Variants in ANKRD36 observed in about 807,000 individuals in gnomAD.
The protein encoded by ANKRD36 is ankyrin repeat domain-containing protein 36A.
Under a neutral mutation model 278.1 loss-of-function variants are expected in ANKRD36, and 179 were observed. That is an observed-to-expected ratio of 0.64 (90% CI 0.57 to 0.73). The LOEUF is 0.73. Among genes scored for constraint, ANKRD36 ranks in the 30% least tolerant of loss-of-function variants. ANKRD36 has a pLI of 0.00. For missense variants in ANKRD36, 1,159 were observed against 1,956.7 expected (o/e 0.59, Z 7.69); for synonymous variants, 320 against 641.1 (o/e 0.50, Z 7.57).
At position 97,222,691 on chromosome 2, in the gene ANKRD36, A is replaced by G. The variant is rs372399288; in HGVS notation, c.3878-2115A>G. ...TGTTTCTAGCCAGAGGGAAAGGAAC[A>G]CAAATTTAGGAAATAGAAATTATAC... is the stretch of plus-strand genomic sequence containing the variant. On this transcript the variant is annotated intron_variant, in intron 66 of 75. Transcript: ENST00000420699. Among the ~76,000 whole-genome samples the G allele has an allele frequency of 5.7e-4, 87 of 152,238 alleles. 4 individuals carry two copies. In the East Asian group the frequency reaches 0.012, roughly 22 times the overall value.
chr2:97,124,055 ATAT>A (rs1330864960), intron 4 of ANKRD36, among the ~76,000 whole-genome samples: 4 of 150,764 alleles, frequency 2.7e-5, no homozygotes, highest in Non-Finnish European at 5.9e-5. Flanking sequence ...ATTCCTATTA[ATAT>A]TATTGTTTTA....
At chr2:97,124,947 T>C (rs542426197) in intron 5 of ANKRD36, among the ~76,000 whole-genome samples, 35 of 151,980 alleles carry the variant, frequency 2.3e-4, no homozygotes, top group African/African-American at 8.4e-4. Context: ...TAATTAGTTA[T>C]TTGGGTCTCA....
At chr2:97,229,031 T>C (rs1453969061) in intron 67 of ANKRD36, among the ~76,000 whole-genome samples, 4 of 152,082 alleles carry the variant, frequency 2.6e-5, no homozygotes, top group African/African-American at 9.7e-5. Flanking sequence ...TTCTTTTACA[T>C]TTGCTGAGGA....
chr2:97,203,511 C>G (rs960333848), intron 48 of ANKRD36, among the ~76,000 whole-genome samples: 4 of 151,848 alleles, frequency 2.6e-5, no homozygotes, highest in African/African-American at 4.8e-5. Context: ...TGAATATTAT[C>G]TACTAGGTAT....
chr2:97,121,610 CACTCCAGCCTGGGCGACAGAGCGAG>C (rs2036859949), intron 3 of ANKRD36, among the ~76,000 whole-genome samples: 1 of 152,072 alleles, frequency 6.6e-6, no homozygotes, highest in Non-Finnish European at 1.5e-5. Context: ...GGCACCACTG[CACTCCAGCCTGGGCGACAGAGCGAG>C]ACTCCATCCC....
At position 97,113,449 on chromosome 2, in the gene ANKRD36, G is replaced by T. The variant is rs1468080520; in HGVS notation, c.-291G>T. 2.1e-6 allele frequency: 1 copy of T among 471,160 alleles called. No individual in the cohort carries two copies. Among genetic ancestry groups the T allele is most frequent in the African/African-American group, 2.0e-5 (1 of 49,442 alleles). 29.2% of individuals were successfully genotyped at this position (471,160 alleles called of 1,614,324 possible). ...GGCAGGGCGCGCCTCGCGCTCCAGG[G>T]AGCCCCGCCCTCCCGCGGCACCTCC... On this transcript the variant is annotated 5_prime_UTR_variant, in exon 1 of 76. Coordinates refer to ENST00000420699, the MANE Select transcript of ANKRD36 (RefSeq NM_001354587.1).
At chr2:97,131,632 A>G (rs1328631123) in intron 6 of ANKRD36, among the ~76,000 whole-genome samples, 4 of 152,002 alleles carry the variant, frequency 2.6e-5, no homozygotes, top group South Asian at 2.1e-4. Context: ...GACCTGTTCT[A>G]TGAAGAACTG....
intron 36 of ANKRD36, among the ~76,000 whole-genome samples, chr2:97,191,848 C>T (rs1288398778): frequency 2.0e-5 from 3 of 151,614 alleles, no homozygotes; most frequent in Non-Finnish European, 4.4e-5. Context: ...TGTTTGTTAG[C>T]ATTAGGCATC....
In ANKRD36 at chr2:97,145,364, T is replaced by TC. The variant is rs1392026111; in HGVS notation, c.1003+656dup. ...TTGTGATGAACCACAGTCACCTGTTTCCCCTCTTTGTTATTATTGGGCATC... is the reference window on the plus strand; with the variant it reads ...TTGTGATGAACCACAGTCACCTGTTTCCCCCTCTTTGTTATTATTGGGCATC... On this transcript the variant is annotated intron_variant, in intron 10 of 75. Coordinates refer to ENST00000420699, the MANE Select transcript of ANKRD36 (RefSeq NM_001354587.1). Among the ~76,000 whole-genome samples, 2 of 151,980 alleles carry TC rather than the reference T, an allele frequency of 1.3e-5. 1 individual carries two copies. The highest frequency in any genetic ancestry group is 1.3e-4 in the Admixed American group (2 of 15,180).
In ANKRD36 at chr2:97,194,844, G is replaced by A. The variant is rs200852589; in HGVS notation, c.2479-1G>A. On this transcript the variant is annotated splice_acceptor_variant, in intron 39 of 75. Coordinates refer to ENST00000420699, the MANE Select transcript of ANKRD36 (RefSeq NM_001354587.1). LOFTEE classifies it high-confidence loss of function. ...ATTATTTTGTTTCAAATTCCACTCA[G>A]GCTACAAGTGATGAGAAGGATTCTT... 946 of 1,591,500 alleles carry A rather than the reference G, an allele frequency of 5.9e-4. No homozygotes were observed. Among genetic ancestry groups the A allele is most frequent in the Middle Eastern group, 2.0e-3 (9 of 4,398 alleles).
Position 97,195,268 on chromosome 2 carries a change from G to A in ANKRD36, c.2551+351G>A, listed in dbSNP as rs371166720. On this transcript the variant is annotated intron_variant, in intron 40 of 75. Transcript: ENST00000420699. ...GTACAGATTTTACAGACGTCACATC[G>A]TAGTGCTAAAAACAGACAGAAAACT... Among the ~76,000 whole-genome samples the A allele has an allele frequency of 3.4e-4, 52 of 152,028 alleles. No homozygotes were observed. The East Asian group carries it at 6.3e-3, about 18-fold the overall frequency.
chr2:97,188,955 A>G (rs1221603370), intron 32 of ANKRD36, 132 bp from the exon 33 acceptor site: 1 of 475,448 alleles, frequency 2.1e-6, no homozygotes, highest in South Asian at 1.7e-5. Context: ...GTCCCAAGAG[A>G]CAAAGTAGAA....
At chr2:97,118,620 C>T in intron 3 of ANKRD36, 103 bp downstream of exon 3, 1 of 940,278 alleles carries the variant, frequency 1.1e-6, no homozygotes, top group Non-Finnish European at 1.5e-6. Flanking sequence ...TCAAACATTC[C>T]TTGAATGAAA....
chr2:97,150,872 G>GT (rs1169363976), intron 12 of ANKRD36, among the ~76,000 whole-genome samples: 738 of 33,814 alleles, frequency 0.022, 1 homozygote, highest in African/African-American at 0.056. Flanking sequence ...GAATTTTATT[G>GT]TTTTTTTTTT....
At chr2:97,169,537 A>G (rs932313563) in intron 22 of ANKRD36, among the ~76,000 whole-genome samples, 5 of 152,282 alleles carry the variant, frequency 3.3e-5, no homozygotes, top group African/African-American at 9.6e-5. Context: ...TAGGAAACCA[A>G]ATTGTCTCAG....
chr2:97,167,201 A>C (rs916279170), intron 20 of ANKRD36, among the ~76,000 whole-genome samples: 1 of 152,280 alleles, frequency 6.6e-6, no homozygotes, highest in Non-Finnish European at 1.5e-5. Flanking sequence ...CTGTATGTAG[A>C]TATCTGAACT....
At chr2:97,177,297 T>G (rs1217566330) in intron 22 of ANKRD36, among the ~76,000 whole-genome samples, 1 of 151,836 alleles carries the variant, frequency 6.6e-6, no homozygotes, top group Non-Finnish European at 1.5e-5. Context: ...AAGCTACCAA[T>G]GCCTTTCTTC....
intron 59 of ANKRD36, 23 bp from the exon 60 acceptor site, chr2:97,213,519 A>AT (rs2065213654): frequency 1.7e-6 from 1 of 581,912 alleles, no homozygotes; most frequent in Non-Finnish European, 2.8e-6. Context: ...TGTATTGATT[A>AT]TTTTGTTTCA....
At chr2:97,242,307 G>A (rs1158185484) in intron 69 of ANKRD36, among the ~76,000 whole-genome samples, 1 of 149,390 alleles carries the variant, frequency 6.7e-6, no homozygotes, top group Non-Finnish European at 1.5e-5. Flanking sequence ...AAAAAAAAAT[G>A]TATCCAGTTT....
Sources: gnomAD v4.1 joint callset for allele counts (sites outside exome capture counted in the v4.1 genomes callset) on GRCh38, gnomAD v4.1.1 for gene constraint, MANE v1.5 for transcripts, NCBI Gene and HGNC (gene_info 2026-07-23, HGNC 2026-07-21) for gene names.